Variants in RIMS2 observed in about 807,000 individuals in gnomAD.
The protein encoded by RIMS2 is regulating synaptic membrane exocytosis 2, also known as regulating synaptic membrane exocytosis protein 2.
Under a neutral mutation model 174.4 loss-of-function variants are expected in RIMS2, and 59 were observed. The ratio of observed to expected loss-of-function variants is 0.34; its 90% confidence interval spans 0.27 to 0.42. The LOEUF (loss-of-function observed/expected upper bound fraction) is 0.42, where lower values mean the gene tolerates loss of function less well. RIMS2 is among the 10% of genes least tolerant of loss of function. The pLI, the probability that RIMS2 is intolerant of heterozygous loss-of-function variation, is 1.00. For missense variants in RIMS2, 1,620 were observed against 1,666.3 expected, an observed-to-expected ratio of 0.97 and a Z score of 0.48; for synonymous variants, 606 against 572.5, an observed-to-expected ratio of 1.06 and a Z score of -0.84.
intron 1 of RIMS2, among the ~76,000 whole-genome samples, chr8:103,551,171 C>T: frequency 6.6e-6 from 1 of 152,180 alleles, no homozygotes; most frequent in East Asian, 1.9e-4. Flanking sequence ...GACCAATATC[C>T]CTCATGAACA....
chr8:103,935,004 C>A (rs572974992), intron 12 of RIMS2, among the ~76,000 whole-genome samples: 1 of 152,180 alleles, frequency 6.6e-6, no homozygotes, highest in African/African-American at 2.4e-5. Context: ...GCCAGATAAA[C>A]CATTCTCGAA....
chr8:103,532,458 A>G (rs1837632180), intron 1 of RIMS2, among the ~76,000 whole-genome samples: 1 of 152,248 alleles, frequency 6.6e-6, no homozygotes, highest in Non-Finnish European at 1.5e-5. Flanking sequence ...ATCAGATATT[A>G]CAGTGCATAT....
intron 3 of RIMS2, chr8:103,819,601 C>G: frequency 6.2e-7 from 1 of 1,613,324 alleles, no homozygotes; most frequent in Non-Finnish European, 8.5e-7. Context: ...ACAAAATGAG[C>G]TTTTTGGACA....
chr8:104,102,348 T>C (rs1430868660), intron 19 of RIMS2, among the ~76,000 whole-genome samples: 2 of 152,188 alleles, frequency 1.3e-5, no homozygotes, highest in Admixed American at 1.3e-4. Context: ...TCTTGATTAG[T>C]TCTTCTCCAC....
chr8:104,132,111 T>C, intron 19 of RIMS2, among the ~76,000 whole-genome samples: 1 of 152,306 alleles, frequency 6.6e-6, no homozygotes, highest in East Asian at 1.9e-4. Context: ...TAGAAAGTTA[T>C]TCATTTTCCT....
rs140830666 is a variant in RIMS2 at position 104,185,099 on chromosome 8, C to G, written c.3335-59817C>G. ...ATTGCCTTGATTATATCTTTTTATTCTTATGAATAAATGAAACTGTTTAAA... is the reference window on the plus strand; with the variant it reads ...ATTGCCTTGATTATATCTTTTTATTGTTATGAATAAATGAAACTGTTTAAA... On this transcript the variant is annotated intron_variant, in intron 19 of 23. Coordinates refer to ENST00000504942, the Ensembl canonical transcript of RIMS2. Among the ~76,000 whole-genome samples, 695 of 151,418 alleles carry G rather than the reference C, an allele frequency of 4.6e-3. 9 individuals are homozygous for G. Among genetic ancestry groups the G allele is most frequent in the African/African-American group, 0.016 (653 of 41,436 alleles).
chr8:103,951,737 A>T (rs1007365192), intron 14 of RIMS2, among the ~76,000 whole-genome samples: 3 of 152,302 alleles, frequency 2.0e-5, no homozygotes, highest in Middle Eastern at 3.4e-3. Context: ...GGCACCCAGA[A>T]TGCCAGCAAG....
intron 1 of RIMS2, among the ~76,000 whole-genome samples, chr8:103,631,208 G>A (rs1316309966): frequency 6.6e-6 from 1 of 152,116 alleles, no homozygotes; most frequent in Non-Finnish European, 1.5e-5. Context: ...CCTATGTCCA[G>A]GATGGTATTG....
At chr8:103,544,804 A>C (rs1285801208) in intron 1 of RIMS2, among the ~76,000 whole-genome samples, 1 of 152,220 alleles carries the variant, frequency 6.6e-6, no homozygotes, top group African/African-American at 2.4e-5. Flanking sequence ...CCACGAACAG[A>C]CTAGAATCAA....
At chr8:104,126,726 T>A (rs555937647) in intron 19 of RIMS2, among the ~76,000 whole-genome samples, 1 of 152,370 alleles carries the variant, frequency 6.6e-6, no homozygotes, top group South Asian at 2.1e-4. Flanking sequence ...TAGAAGCTGT[T>A]GTTTTTATGT....
At chr8:103,737,966 A>T (rs2097708317) in intron 2 of RIMS2, among the ~76,000 whole-genome samples, 1 of 152,106 alleles carries the variant, frequency 6.6e-6, no homozygotes, top group Admixed American at 6.6e-5. Flanking sequence ...ATGTCTGTTT[A>T]CTTGTTTATT....
At chr8:103,758,000 G>A (rs2098049162) in intron 2 of RIMS2, among the ~76,000 whole-genome samples, 2 of 152,148 alleles carry the variant, frequency 1.3e-5, no homozygotes, top group South Asian at 4.1e-4. Flanking sequence ...TCCCAGAGCT[G>A]TGAGGGAATA....
intron 2 of RIMS2, among the ~76,000 whole-genome samples, chr8:103,703,642 C>CT (rs57721806): frequency 2.6e-5 from 4 of 151,760 alleles, no homozygotes; most frequent in Admixed American, 1.3e-4. Context: ...GATACTTTTC[C>CT]TTTTTTTTGG....
At chr8:104,020,993 A>G (rs2096071571) in intron 19 of RIMS2, among the ~76,000 whole-genome samples, 1 of 152,070 alleles carries the variant, frequency 6.6e-6, no homozygotes, top group South Asian at 2.1e-4. Flanking sequence ...GTCTACATAT[A>G]TTGATTTAGA....
chr8:104,189,693 A>G (rs1041512067), intron 19 of RIMS2, among the ~76,000 whole-genome samples: 3 of 150,926 alleles, frequency 2.0e-5, no homozygotes, highest in Non-Finnish European at 4.4e-5. Flanking sequence ...ACGCATTTAA[A>G]TTATACATAG....
intron 19 of RIMS2, among the ~76,000 whole-genome samples, chr8:104,104,908 T>A (rs925163930): frequency 5.9e-5 from 9 of 151,534 alleles, no homozygotes; most frequent in Non-Finnish European, 1.2e-4. Flanking sequence ...AGAGAACATG[T>A]TTTTGAAATG....
chr8:103,611,807 T>C (rs1005884120), intron 1 of RIMS2, among the ~76,000 whole-genome samples: 16 of 152,076 alleles, frequency 1.1e-4, no homozygotes, highest in Non-Finnish European at 2.2e-4. Flanking sequence ...ACTTGAATGC[T>C]CATATCTTTC....
At chr8:103,671,005 A>G (rs552076859) in intron 1 of RIMS2, among the ~76,000 whole-genome samples, 15 of 152,224 alleles carry the variant, frequency 9.9e-5, no homozygotes, top group South Asian at 4.2e-4. Context: ...GTAATTTATG[A>G]AGGAAAGAGG....
intron 2 of RIMS2, among the ~76,000 whole-genome samples, chr8:103,756,128 T>A (rs1405425295): frequency 6.6e-6 from 1 of 152,184 alleles, no homozygotes; most frequent in Non-Finnish European, 1.5e-5. Context: ...ATGTCCTTTT[T>A]GTTGATGTTG....
Sources: gnomAD v4.1 joint callset for allele counts (sites outside exome capture counted in the v4.1 genomes callset) on GRCh38, gnomAD v4.1.1 for gene constraint, MANE v1.5 for transcripts, NCBI Gene and HGNC (gene_info 2026-07-23, HGNC 2026-07-21) for gene names.